Variants in MALRD1 observed in about 807,000 individuals in gnomAD.
MALRD1 encodes the protein MAM and LDL receptor class A domain containing 1.
MALRD1 carries 247 observed loss-of-function variants against 242.1 expected under a neutral mutation model. The observed-to-expected ratio is 1.02, with a 90% CI of 0.92 to 1.13. The LOEUF is 1.13. Ranked by LOEUF, MALRD1 falls within the 50% of genes most tolerant of loss-of-function variation. The pLI is 0.00. For missense variants in MALRD1, 2,989 were observed against 2,533.1 expected (o/e 1.18, Z -3.86); for synonymous variants, 995 against 866.6 (o/e 1.15, Z -2.60).
intron 32 of MALRD1, among the ~76,000 whole-genome samples, chr10:19,561,389 C>T (rs1044434949): frequency 6.6e-6 from 1 of 152,162 alleles, no homozygotes; most frequent in Non-Finnish European, 1.5e-5. Context: ...GTTTGCTGCC[C>T]TCTGATCTGC....
chr10:19,301,994 A>T (rs909457079), intron 21 of MALRD1, among the ~76,000 whole-genome samples: 22 of 151,874 alleles, frequency 1.4e-4, no homozygotes, highest in Admixed American at 1.4e-3. Flanking sequence ...ACAAACAGCT[A>T]AAAGTCAAAT....
intron 29 of MALRD1, among the ~76,000 whole-genome samples, chr10:19,485,681 T>A (rs1328633932): frequency 1.3e-5 from 2 of 151,044 alleles, no homozygotes; most frequent in Non-Finnish European, 3.0e-5. Flanking sequence ...ATAAAATAGA[T>A]CAGTGTAGCT....
chr10:19,521,851 ATCT>A (rs990475330), intron 31 of MALRD1, among the ~76,000 whole-genome samples: 17 of 152,122 alleles, frequency 1.1e-4, no homozygotes, highest in African/African-American at 3.6e-4. Flanking sequence ...TGCAGAAAGC[ATCT>A]TCTTCTCATG....
At chr10:19,050,537 T>A (rs1199316734) in intron 1 of MALRD1, among the ~76,000 whole-genome samples, 1 of 152,220 alleles carries the variant, frequency 6.6e-6, no homozygotes, top group Non-Finnish European at 1.5e-5. Context: ...GAAGAGTGAT[T>A]ACTGAAGAAC....
chr10:19,124,935 CTTTT>C (rs1173453764), intron 7 of MALRD1, among the ~76,000 whole-genome samples: 5 of 52,580 alleles, frequency 9.5e-5, no homozygotes, highest in Admixed American at 3.5e-4. Context: ...TATTAAAAGG[CTTTT>C]TTTTTTTTTT....
intron 13 of MALRD1, among the ~76,000 whole-genome samples, chr10:19,172,873 T>C (rs188930752): frequency 1.3e-5 from 2 of 152,116 alleles, no homozygotes. Context: ...ACACAATATA[T>C]TTCTAAAGTA....
chr10:19,163,714 T>G (rs1588635479), intron 12 of MALRD1, among the ~76,000 whole-genome samples: 2 of 152,350 alleles, frequency 1.3e-5, no homozygotes, highest in South Asian at 2.1e-4. Context: ...ATAACTTTTG[T>G]TCAGTGATTT....
chr10:19,206,028 A>G (rs996619701), intron 17 of MALRD1, among the ~76,000 whole-genome samples: 1 of 150,402 alleles, frequency 6.6e-6, no homozygotes, highest in Non-Finnish European at 1.5e-5. Flanking sequence ...AGATAGTTGA[A>G]TATTATATTT....
chr10:19,530,308 G>T (rs1173951646), intron 31 of MALRD1, among the ~76,000 whole-genome samples: 6 of 88,890 alleles, frequency 6.7e-5, no homozygotes, highest in African/African-American at 2.1e-4. Flanking sequence ...GGACATTGTT[G>T]AAATGTTGAA....
chr10:19,318,258 G>A (rs921572461), intron 21 of MALRD1, among the ~76,000 whole-genome samples: 2 of 151,870 alleles, frequency 1.3e-5, no homozygotes, highest in African/African-American at 4.8e-5. Context: ...CTATAAGACT[G>A]GCAACCAAAT....
chr10:19,317,144 A>G (rs986478988), intron 21 of MALRD1, among the ~76,000 whole-genome samples: 2 of 151,750 alleles, frequency 1.3e-5, no homozygotes, highest in African/African-American at 4.8e-5. Context: ...TCTAAATGCT[A>G]TAAACTGGGT....
chr10:19,094,373 C>A (rs537131215), intron 4 of MALRD1, among the ~76,000 whole-genome samples: 1 of 131,882 alleles, frequency 7.6e-6, no homozygotes, highest in Non-Finnish European at 1.6e-5. Flanking sequence ...GTCCGTCACC[C>A]CTTTCTTTGA....
At chr10:19,692,135 T>G in intron 36 of MALRD1, 147 bp from the exon 37 acceptor site, 1 of 582,326 alleles carries the variant, frequency 1.7e-6, no homozygotes, top group Admixed American at 3.7e-5. Flanking sequence ...TTGCTTTGGC[T>G]TAAAGTTTTT....
At chr10:19,073,751 C>T (rs1590391282) in intron 2 of MALRD1, among the ~76,000 whole-genome samples, 1 of 151,990 alleles carries the variant, frequency 6.6e-6, no homozygotes, top group African/African-American at 2.4e-5. Flanking sequence ...AGATACTGAA[C>T]CTGTATTAAG....
intron 31 of MALRD1, among the ~76,000 whole-genome samples, chr10:19,518,399 A>G (rs1833731565): frequency 6.6e-6 from 1 of 152,234 alleles, no homozygotes; most frequent in South Asian, 2.1e-4. Context: ...TCCATAGAGA[A>G]AAACCAATGA....
intron 31 of MALRD1, among the ~76,000 whole-genome samples, chr10:19,511,732 T>C (rs1242265929): frequency 6.6e-6 from 1 of 152,182 alleles, no homozygotes; most frequent in Non-Finnish European, 1.5e-5. Context: ...CATGTAGGGA[T>C]ATTGGTTTAA....
intron 5 of MALRD1, among the ~76,000 whole-genome samples, chr10:19,111,698 T>C (rs542430056): frequency 5.3e-5 from 8 of 152,364 alleles, no homozygotes; most frequent in Admixed American, 1.3e-4. Flanking sequence ...TGTCATCTCC[T>C]GGGAATGCTG....
rs189185424 is a variant in MALRD1 at position 19,487,929 on chromosome 10, G to C, written c.5030-3588G>C. On this transcript the variant is annotated intron_variant, in intron 29 of 39. Coordinates refer to ENST00000454679, the MANE Select transcript of MALRD1 (RefSeq NM_001142308.3). ...ATTATGGGCATAATCCAAAGACTCT[G>C]GATATGCACTTTTAGTCAAGTCTGT... is the stretch of plus-strand genomic sequence containing the variant. 2.6e-3 allele frequency among the ~76,000 whole-genome samples: 403 copies of C among 152,184 alleles called. 2 individuals carry two copies. Among genetic ancestry groups the C allele is most frequent in the Non-Finnish European group, 4.4e-3 (297 of 67,996 alleles).
intron 18 of MALRD1, among the ~76,000 whole-genome samples, chr10:19,237,883 T>TTA (rs1359991441): frequency 8.8e-6 from 1 of 113,844 alleles, no homozygotes; most frequent in African/African-American, 3.1e-5. Context: ...TTTTATATAG[T>TTA]TATATACATT....
Sources: allele counts gnomAD v4.1 joint callset (sites outside exome capture counted in the v4.1 genomes callset), GRCh38; gene constraint gnomAD v4.1.1; transcripts MANE v1.5; gene names NCBI Gene and HGNC (gene_info 2026-07-23, HGNC 2026-07-21).